The following CELSR1 variants were observed in gnomAD, a reference collection of about 807,000 sequenced individuals.
CELSR1 encodes cadherin EGF LAG seven-pass G-type receptor 1, also known as adhesion G protein-coupled receptor C1.
Under a neutral mutation model 249.1 loss-of-function variants are expected in CELSR1, and 110 were observed. The ratio of observed to expected loss-of-function variants is 0.44; its 90% CI spans 0.38 to 0.52. CELSR1 has a LOEUF of 0.52. Ranked by LOEUF, CELSR1 falls within the 20% of genes least tolerant of loss-of-function variation. The pLI, the probability that CELSR1 is intolerant of heterozygous loss-of-function variation, is 0.00. For synonymous variants in CELSR1, 2,113 were observed against 1,900.0 expected, an observed-to-expected ratio of 1.11 and a Z score of -2.92; for missense variants, 4,109 against 4,296.4, an observed-to-expected ratio of 0.96 and a Z score of 1.22.
chr22:46,458,094 G>A (rs1475146216), intron 2 of CELSR1, among the ~76,000 whole-genome samples: 1 of 147,482 alleles, frequency 6.8e-6, no homozygotes, highest in Non-Finnish European at 1.5e-5. Flanking sequence ...ATGGGGGTGA[G>A]GGCTGCAGGG....
chr22:46,431,420 T>TC (rs965857774), intron 5 of CELSR1, among the ~76,000 whole-genome samples: 2 of 152,076 alleles, frequency 1.3e-5, no homozygotes, highest in African/African-American at 4.8e-5. Flanking sequence ...TGACTCGACC[T>TC]CCCCCTGCCT....
intron 28 of CELSR1, among the ~76,000 whole-genome samples, chr22:46,367,517 C>G (rs1233966368): frequency 6.6e-6 from 1 of 152,218 alleles, no homozygotes; most frequent in Non-Finnish European, 1.5e-5. Flanking sequence ...TGGCCTGGCA[C>G]TAGGGTCATC....
chr22:46,461,713 T>A (rs1237871362), intron 2 of CELSR1, among the ~76,000 whole-genome samples: 1 of 152,208 alleles, frequency 6.6e-6, no homozygotes, highest in African/African-American at 2.4e-5. Context: ...GTAGGTACTA[T>A]CTGCGGAGTA....
chr22:46,378,749 A>T, intron 22 of CELSR1, 32 bp from the exon 23 acceptor site: 1 of 1,600,842 alleles, frequency 6.2e-7, no homozygotes, highest in Non-Finnish European at 8.5e-7. Flanking sequence ...GGCAGGGGTA[A>T]GACGGTTCCC....
chr22:46,457,936 C>T lies in CELSR1; in HGVS notation c.4183+5771G>A, dbSNP rs78979913. On this transcript the variant is annotated intron_variant, in intron 2 of 34. Coordinates refer to ENST00000674500, the MANE Select transcript of CELSR1 (RefSeq NM_001378328.1). ...AGGCCCCGAGGGCATTATCTCTGGCCTACGTGGAGGGGCGGGATGGCCAGC... is the reference window on the plus strand; with the variant it reads ...AGGCCCCGAGGGCATTATCTCTGGCTTACGTGGAGGGGCGGGATGGCCAGC... Among the ~76,000 whole-genome samples the T allele has an allele frequency of 2.7e-4, 41 of 152,364 alleles. 1 individual carries two copies. In the East Asian group the frequency reaches 7.9e-3, roughly 29 times the overall value.
rs1418882472 is a variant in CELSR1, at chr22:46,402,352, G to A, written c.5227-2450C>T. 6.6e-6 allele frequency among the ~76,000 whole-genome samples: 1 copy of A among 151,850 alleles called. No homozygotes were observed. The highest frequency in any genetic ancestry group is 2.4e-5 in the African/African-American group (1 of 41,348). On this transcript the variant is annotated intron_variant, in intron 9 of 34. Transcript: ENST00000674500. The surrounding 1 kb of genome is among the most constrained non-coding windows in gnomAD (Gnocchi z 5.0). ...CTGCCTCAGCCTCCCGAGTAGCTGA[G>A]ATACAGGTACCCACCACCACACCCA...
rs745719880 is a variant in CELSR1 at position 46,408,717 on chromosome 22, G to A, written c.5226+279C>T. The stretch of plus-strand genomic sequence containing the variant: ...CCTCCCTCAGTTCTGCAATGCCCAC[G>A]CTCCAGCCAAACCCTCAGGCTAGAG... On this transcript the variant is annotated intron_variant, in intron 9 of 34. Transcript: ENST00000674500. This position sits in a 1 kb window ranked among gnomAD's most constrained non-coding sequence, Gnocchi z 4.6. Among the ~76,000 whole-genome samples, 4 of 152,144 alleles carry A rather than the reference G, an allele frequency of 2.6e-5. No homozygotes were observed. Among genetic ancestry groups the A allele is most frequent in the Admixed American group, 1.3e-4 (2 of 15,270 alleles).
chr22:46,532,015 C>T (rs955313466), intron 1 of CELSR1, among the ~76,000 whole-genome samples: 1 of 152,174 alleles, frequency 6.6e-6, no homozygotes, highest in African/African-American at 2.4e-5. Flanking sequence ...CTAAGCTGCG[C>T]CCCAGGTGAG....
chr22:46,424,061 A>G lies in CELSR1; in HGVS notation c.4611+9332T>C, dbSNP rs2079510469. 9.2e-5 allele frequency among the ~76,000 whole-genome samples: 14 copies of G among 151,486 alleles called. No homozygotes were observed. The South Asian group carries it at 2.7e-3, about 29-fold the overall frequency. ...ATGTATATACCAGCAAACATTGTAA[A>G]TCTTAAAAAAAAATTTTTTTTTAAG... On this transcript the variant is annotated intron_variant, in intron 5 of 34. Coordinates refer to ENST00000674500, the MANE Select transcript of CELSR1 (RefSeq NM_001378328.1).
intron 5 of CELSR1, among the ~76,000 whole-genome samples, chr22:46,426,219 C>T (rs1455413597): frequency 1.5e-5 from 2 of 135,934 alleles, no homozygotes; most frequent in African/African-American, 3.1e-5. Flanking sequence ...TGAGAAAAAT[C>T]ACTAACTATA....
chr22:46,406,599 C>T lies in CELSR1; in HGVS notation c.5226+2397G>A, dbSNP rs1363529824. 1.3e-5 allele frequency among the ~76,000 whole-genome samples: 2 copies of T among 152,242 alleles called. No individual in the cohort carries two copies. Among genetic ancestry groups the T allele is most frequent in the Non-Finnish European group, 2.9e-5 (2 of 68,044 alleles). On this transcript the variant is annotated intron_variant, in intron 9 of 34. Transcript: ENST00000674500. This position sits in a 1 kb window ranked among gnomAD's most constrained non-coding sequence, Gnocchi z 5.4. ...TGGGGAGGGCATGTGCTGGGCAGTC[C>T]CTCTGTCCACCCGCCAACCCTCATG... is the stretch of plus-strand genomic sequence containing the variant.
At chr22:46,462,482 C>A (rs2080041552) in intron 2 of CELSR1, among the ~76,000 whole-genome samples, 1 of 152,162 alleles carries the variant, frequency 6.6e-6, no homozygotes, top group African/African-American at 2.4e-5. Flanking sequence ...ATACCTCAAA[C>A]CCTTGTTATA....
intron 1 of CELSR1, among the ~76,000 whole-genome samples, chr22:46,502,533 G>A (rs182142308): frequency 6.6e-6 from 1 of 152,134 alleles, no homozygotes; most frequent in African/African-American, 2.4e-5. Context: ...ACGCAGAAAA[G>A]GAGGGAGGGA....
In CELSR1 at chr22:46,434,759, G is replaced by A. The variant is rs2079638033; in HGVS notation, c.4523-1278C>T. ...CATCTGTAATCCCAGCACTTTGGGAGGCCAAGGTGGGCGGATCACTTGAGG... is the reference window on the plus strand; with the variant it reads ...CATCTGTAATCCCAGCACTTTGGGAAGCCAAGGTGGGCGGATCACTTGAGG... On this transcript the variant is annotated intron_variant, in intron 4 of 34. Transcript: ENST00000674500. This position sits in a 1 kb window ranked among gnomAD's most constrained non-coding sequence, Gnocchi z 4.9. Among the ~76,000 whole-genome samples the A allele has an allele frequency of 2.0e-5, 3 of 152,184 alleles. No homozygotes were observed. Among genetic ancestry groups the A allele is most frequent in the Admixed American group, 2.0e-4 (3 of 15,280 alleles).
rs1443311385 is a variant in CELSR1 at position 46,361,644 on chromosome 22, C to G, written c.*1579G>C. The stretch of plus-strand genomic sequence containing the variant: ...TCTCATTTCATCCTCCTGTCCTGGA[C>G]CATTTTCAGATACGCTTTTCCTCTC... On this transcript the variant is annotated 3_prime_UTR_variant, in exon 35 of 35. Coordinates refer to ENST00000674500, the MANE Select transcript of CELSR1 (RefSeq NM_001378328.1). The G allele has an allele frequency of 6.6e-6, 1 of 152,214 alleles. No homozygotes were observed. The highest frequency in any genetic ancestry group is 2.4e-5 in the African/African-American group (1 of 41,446). The allele number at this position is 152,214 out of a possible 1,614,324, so 9.4% of individuals were successfully genotyped here.
intron 1 of CELSR1, among the ~76,000 whole-genome samples, chr22:46,516,842 C>A (rs943782447): frequency 4.6e-5 from 7 of 152,224 alleles, no homozygotes; most frequent in African/African-American, 1.7e-4. Context: ...TGGGGACTGG[C>A]AGGAAGGCAG....
rs2079335065 is a variant in CELSR1 at position 46,411,550 on chromosome 22, G to A, written c.4769+52C>T. The A allele has an allele frequency of 4.4e-6, 7 of 1,607,102 alleles. No individual in the cohort carries two copies. The highest frequency in any genetic ancestry group is 3.3e-4 in the Middle Eastern group (2 of 6,022). ...CCCTGCCCTGGGAAGGCCGCAGGGTGAGCATGTTTGGGGGTACGGACCCCC... is the reference window on the plus strand; with the variant it reads ...CCCTGCCCTGGGAAGGCCGCAGGGTAAGCATGTTTGGGGGTACGGACCCCC... On this transcript the variant is annotated intron_variant, in intron 6 of 34. Coordinates refer to ENST00000674500, the MANE Select transcript of CELSR1 (RefSeq NM_001378328.1). This position sits in a 1 kb window ranked among gnomAD's most constrained non-coding sequence, Gnocchi z 4.2.
chr22:46,377,303 C>G, intron 23 of CELSR1, 42 bp from the exon 24 acceptor site: 1 of 1,591,956 alleles, frequency 6.3e-7, no homozygotes, highest in African/African-American at 1.3e-5. Context: ...AGGTAAGGGC[C>G]GAGGCTCAGA....
intron 5 of CELSR1, among the ~76,000 whole-genome samples, chr22:46,419,894 C>G (rs1388962231): frequency 1.3e-5 from 2 of 152,018 alleles, no homozygotes; most frequent in Admixed American, 1.3e-4. Flanking sequence ...TGCCTTCTCA[C>G]ATTCATGTGC....
Sources: gnomAD v4.1 joint callset for allele counts (sites outside exome capture counted in the v4.1 genomes callset) on GRCh38, gnomAD v4.1.1 for gene constraint, Gnocchi (gnomAD v3.1) non-coding constraint, MANE v1.5 for transcripts, NCBI Gene and HGNC (gene_info 2026-07-23, HGNC 2026-07-21) for gene names.